The following ZNF438 variants were observed in gnomAD, a reference collection of about 807,000 sequenced individuals.
ZNF438 encodes the protein zinc finger protein 438.
In ZNF438, 25 loss-of-function variants were observed where a neutral mutation model predicts 38.0. The observed-to-expected ratio is 0.66, with a 90% CI of 0.48 to 0.92. The LOEUF (loss-of-function observed/expected upper bound fraction) is 0.92. Among genes scored for constraint, ZNF438 ranks in the 40% least tolerant of loss-of-function variants. The pLI, the probability that ZNF438 is intolerant of heterozygous loss-of-function variation, is 0.00. For missense variants in ZNF438, 1,007 were observed against 999.6 expected (o/e 1.01, Z -0.10); for synonymous variants, 372 against 364.1 (o/e 1.02, Z -0.25).
chr10:30,945,012 G>T (rs2047218102), intron 1 of ZNF438, among the ~76,000 whole-genome samples: 1 of 143,580 alleles, frequency 7.0e-6, no homozygotes, highest in African/African-American at 2.6e-5. Context: ...TTGTGGTTTT[G>T]TTGATTTTTT....
chr10:31,015,108 C>T (rs1037871039), intron 1 of ZNF438, among the ~76,000 whole-genome samples: 9 of 152,144 alleles, frequency 5.9e-5, no homozygotes, highest in African/African-American at 1.4e-4. Context: ...AGCGATCCTC[C>T]GAAAGCACGT....
chr10:30,954,087 G>GTCA (rs1297244027), intron 1 of ZNF438, among the ~76,000 whole-genome samples: 1 of 152,100 alleles, frequency 6.6e-6, no homozygotes, highest in African/African-American at 2.4e-5. Flanking sequence ...AGGTTGCATT[G>GTCA]AGCCAAGATC....
At chr10:31,007,524 C>T (rs1414211167) in intron 1 of ZNF438, among the ~76,000 whole-genome samples, 3 of 152,128 alleles carry the variant, frequency 2.0e-5, no homozygotes, top group Non-Finnish European at 4.4e-5. Flanking sequence ...TCGTGATCTG[C>T]CCGCCTTGGC....
At chr10:30,986,040 T>G (rs143316929) in intron 1 of ZNF438, among the ~76,000 whole-genome samples, 18 of 152,340 alleles carry the variant, frequency 1.2e-4, no homozygotes, top group Non-Finnish European at 1.5e-4. Flanking sequence ...GAATTCAGTA[T>G]AGTAACACAC....
intron 4 of ZNF438, chr10:30,875,241 A>C: frequency 1.0e-6 from 1 of 985,350 alleles, no homozygotes; most frequent in Non-Finnish European, 1.2e-6. Context: ...CTGTGATGAG[A>C]AGCAAAGCAG....
At chr10:30,973,010 T>G (rs1053796505) in intron 1 of ZNF438, among the ~76,000 whole-genome samples, 1 of 152,190 alleles carries the variant, frequency 6.6e-6, no homozygotes, top group Non-Finnish European at 1.5e-5. Flanking sequence ...AGCACATGTA[T>G]CAACAATTTT....
At chr10:30,878,699 G>A (rs1466738015) in intron 3 of ZNF438, among the ~76,000 whole-genome samples, 1 of 152,138 alleles carries the variant, frequency 6.6e-6, no homozygotes, top group Non-Finnish European at 1.5e-5. Context: ...AGCTAAGAGG[G>A]CATTGTAGCA....
Position 30,985,681 on chromosome 10 carries a change from G to A in ZNF438, c.-191-44030C>T, listed in dbSNP as rs1038970. Among the ~76,000 whole-genome samples, 514 of 152,246 alleles carry A rather than the reference G, an allele frequency of 3.4e-3. 5 individuals are homozygous for A. The highest frequency in any genetic ancestry group is 0.012 in the African/African-American group (481 of 41,552). ...GTTCAACAACAAAGACAAAATTACC[G>A]TTGGTTCTCCTTATTCACAGTAGTT... On this transcript the variant is annotated intron_variant, in intron 1 of 5. Transcript: ENST00000413025.
In ZNF438 at chr10:30,882,254, C is replaced by G. The variant is rs546474824; in HGVS notation, c.-31-5189G>C. On this transcript the variant is annotated intron_variant, in intron 3 of 5. Coordinates refer to ENST00000413025, the Ensembl canonical transcript of ZNF438. ...GCTAAAGAGGTGAACATACACTTCT[C>G]CAAAAAAGATAACTGGCCTGCAAAT... Among the ~76,000 whole-genome samples the G allele has an allele frequency of 2.0e-5, 3 of 152,232 alleles. No homozygotes were observed. The South Asian group carries it at 6.2e-4, about 32-fold the overall frequency.
intron 1 of ZNF438, among the ~76,000 whole-genome samples, chr10:30,993,546 A>G (rs2053725868): frequency 6.6e-6 from 1 of 152,008 alleles, no homozygotes; most frequent in South Asian, 2.1e-4. Context: ...AGTTTCACCT[A>G]GATTTCAAAG....
chr10:31,018,223 C>T (rs1348776661), intron 1 of ZNF438, among the ~76,000 whole-genome samples: 2 of 152,212 alleles, frequency 1.3e-5, no homozygotes, highest in Non-Finnish European at 2.9e-5. Flanking sequence ...ATATTACTGG[C>T]CTCTCAGTCA....
At chr10:30,922,541 A>C (rs1295717367) in intron 2 of ZNF438, among the ~76,000 whole-genome samples, 1 of 152,242 alleles carries the variant, frequency 6.6e-6, no homozygotes, top group African/African-American at 2.4e-5. Context: ...AAATTAAGAA[A>C]AACCATTGTC....
At chr10:30,864,771 G>T (rs190872108) in intron 4 of ZNF438, among the ~76,000 whole-genome samples, 22 of 152,258 alleles carry the variant, frequency 1.4e-4, no homozygotes, top group African/African-American at 4.1e-4. Context: ...ACAATCTATG[G>T]TAGATGTGTA....
At chr10:30,893,922 TATTAA>T (rs1187902300) in intron 3 of ZNF438, among the ~76,000 whole-genome samples, 1 of 152,236 alleles carries the variant, frequency 6.6e-6, no homozygotes, top group Admixed American at 6.5e-5. Flanking sequence ...ATTGTAATAC[TATTAA>T]ATTAAACACT....
chr10:30,916,980 C>T (rs2043708957), intron 2 of ZNF438, among the ~76,000 whole-genome samples: 1 of 151,982 alleles, frequency 6.6e-6, no homozygotes, highest in Non-Finnish European at 1.5e-5. Context: ...TTTTAAAGCT[C>T]TTTTTTATTT....
chr10:30,867,305 T>A lies in ZNF438; in HGVS notation c.37+9693A>T, dbSNP rs376976773. On this transcript the variant is annotated intron_variant, in intron 4 of 5. Coordinates refer to ENST00000413025, the Ensembl canonical transcript of ZNF438. ...GATATTTGCAGAAAATGTAAATCAA[T>A]GCCAGTCTTCTCATTATTTTTTTTG... 3.5e-5 allele frequency among the ~76,000 whole-genome samples: 5 copies of A among 141,428 alleles called. No homozygotes were observed. The East Asian group carries it at 1.0e-3, about 28-fold the overall frequency. The allele number at this position is 141,428 out of a possible 152,430, so 92.8% of individuals were successfully genotyped here.
intron 4 of ZNF438, among the ~76,000 whole-genome samples, chr10:30,860,648 AAC>A (rs950348616): frequency 6.6e-6 from 1 of 152,020 alleles, no homozygotes; most frequent in Non-Finnish European, 1.5e-5. Flanking sequence ...CCCTGTCCAG[AAC>A]CCACTCCCAC....
exon 6 of ZNF438, chr10:30,845,572 C>T: frequency 6.2e-7 from 1 of 1,606,492 alleles, no homozygotes; most frequent in Non-Finnish European, 8.5e-7. Flanking sequence ...GACTTGTTTT[C>T]CCTGAAAAGG....
intron 3 of ZNF438, among the ~76,000 whole-genome samples, chr10:30,888,579 C>T (rs547649190): frequency 1.4e-4 from 22 of 152,244 alleles, no homozygotes; most frequent in Admixed American, 1.2e-3. Context: ...CTTGTGTCCA[C>T]GTGTTCTCAT....
Sources: gnomAD v4.1 joint callset for allele counts (sites outside exome capture counted in the v4.1 genomes callset) on GRCh38, gnomAD v4.1.1 for gene constraint, MANE v1.5 for transcripts, NCBI Gene and HGNC (gene_info 2026-07-23, HGNC 2026-07-21) for gene names.